Variants in PEX5L observed in about 807,000 individuals in gnomAD.
PEX5L encodes the protein PEX5-related protein.
A neutral mutation model predicts 84.0 loss-of-function variants in PEX5L; 30 were observed. That is an observed-to-expected ratio of 0.36 (90% CI 0.27 to 0.48). The LOEUF (loss-of-function observed/expected upper bound fraction) is 0.48. Ranked by LOEUF, PEX5L falls within the 20% of genes least tolerant of loss-of-function variation. The pLI, the probability that PEX5L is intolerant of heterozygous loss-of-function variation, is 0.99. For synonymous variants in PEX5L, 270 were observed against 283.1 expected, an observed-to-expected ratio of 0.95 and a Z score of 0.46; for missense variants, 533 against 754.6, an observed-to-expected ratio of 0.71 and a Z score of 3.44.
chr3:179,958,403 G>A (rs548443161), intron 2 of PEX5L, among the ~76,000 whole-genome samples: 2 of 152,308 alleles, frequency 1.3e-5, no homozygotes, highest in African/African-American at 4.8e-5. Context: ...GCCCCATTGT[G>A]TATTGTAAAA....
intron 2 of PEX5L, among the ~76,000 whole-genome samples, chr3:179,952,665 G>A (rs1002723833): frequency 6.6e-6 from 1 of 152,080 alleles, no homozygotes; most frequent in Non-Finnish European, 1.5e-5. Flanking sequence ...TTGTGAAAAT[G>A]GCCATACTGC....
intron 1 of PEX5L, among the ~76,000 whole-genome samples, chr3:180,017,627 T>C (rs907583835): frequency 9.9e-5 from 15 of 152,068 alleles, no homozygotes; most frequent in African/African-American, 3.6e-4. Context: ...ATACTTTATA[T>C]ATAATTATAT....
intron 8 of PEX5L, among the ~76,000 whole-genome samples, chr3:179,856,843 T>G (rs1380921712): frequency 2.0e-5 from 3 of 152,192 alleles, no homozygotes; most frequent in African/African-American, 7.2e-5. Flanking sequence ...TACCATTCTT[T>G]TTACTTGAAG....
intron 1 of PEX5L, among the ~76,000 whole-genome samples, chr3:179,989,930 C>T (rs1470469423): frequency 2.0e-5 from 3 of 152,124 alleles, no homozygotes; most frequent in Admixed American, 6.6e-5. Context: ...TGCCACTTTC[C>T]GATAAACTCC....
intron 1 of PEX5L, among the ~76,000 whole-genome samples, chr3:180,002,106 T>C (rs945396674): frequency 6.6e-6 from 1 of 152,284 alleles, no homozygotes; most frequent in Admixed American, 6.5e-5. Context: ...ATTCTAGGTA[T>C]GAATGTACCA....
intron 1 of PEX5L, among the ~76,000 whole-genome samples, chr3:180,016,532 G>C (rs965163450): frequency 7.2e-5 from 11 of 152,250 alleles, no homozygotes; most frequent in Non-Finnish European, 1.3e-4. Context: ...ACGCAGGAAT[G>C]AACAATACAG....
chr3:179,965,112 G>C (rs982879225), intron 2 of PEX5L, among the ~76,000 whole-genome samples: 1 of 152,240 alleles, frequency 6.6e-6, no homozygotes, highest in Non-Finnish European at 1.5e-5. Context: ...TGGCAGAAGA[G>C]CTGGCACCGC....
chr3:180,005,622 G>A (rs1301866891), intron 1 of PEX5L, among the ~76,000 whole-genome samples: 5 of 152,094 alleles, frequency 3.3e-5, no homozygotes, highest in African/African-American at 9.7e-5. Flanking sequence ...TGAGCTACTC[G>A]GGACGCTGAG....
chr3:179,968,989 ACATGGTGC>A (rs1356943610), intron 2 of PEX5L, among the ~76,000 whole-genome samples: 1 of 152,080 alleles, frequency 6.6e-6, no homozygotes, highest in Non-Finnish European at 1.5e-5. Context: ...AAATCCACAT[ACATGGTGC>A]TGCTTCTGTT....
intron 1 of PEX5L, among the ~76,000 whole-genome samples, chr3:179,981,910 A>C (rs1786368383): frequency 6.6e-6 from 1 of 152,226 alleles, no homozygotes; most frequent in Non-Finnish European, 1.5e-5. Context: ...CAGCAACAAC[A>C]GGAACTATTT....
intron 11 of PEX5L, among the ~76,000 whole-genome samples, chr3:179,811,133 T>TTACAAA (rs1723618173): frequency 6.6e-6 from 1 of 152,130 alleles, no homozygotes; most frequent in African/African-American, 2.4e-5. Flanking sequence ...TCTTACAATC[T>TTACAAA]GATATTCCAA....
At chr3:179,998,845 C>A (rs1205319750) in intron 1 of PEX5L, among the ~76,000 whole-genome samples, 1 of 152,214 alleles carries the variant, frequency 6.6e-6, no homozygotes, top group African/African-American at 2.4e-5. Flanking sequence ...TCTCTTCCAG[C>A]CTGCACCAAT....
At chr3:179,835,432 C>T (rs1331305192) in intron 8 of PEX5L, among the ~76,000 whole-genome samples, 3 of 152,034 alleles carry the variant, frequency 2.0e-5, no homozygotes, top group South Asian at 4.2e-4. Flanking sequence ...GACAATATAT[C>T]AGTCGGTAAT....
At chr3:179,914,776 C>G (rs916890896) in intron 2 of PEX5L, among the ~76,000 whole-genome samples, 3 of 152,198 alleles carry the variant, frequency 2.0e-5, no homozygotes, top group Non-Finnish European at 4.4e-5. Context: ...GTGATAATTT[C>G]AAAACTTTTG....
rs74621605 is a variant in PEX5L at position 179,891,511 on chromosome 3, G to A, written c.199-3727C>T. Among the ~76,000 whole-genome samples the A allele has an allele frequency of 2.0e-4, 30 of 152,142 alleles. 1 individual carries two copies. The East Asian group carries it at 5.0e-3, about 25-fold the overall frequency. ...GAAACAGGAGATATTATGAAGATAC[G>A]GAAATCTTTCCTTATAAGCTCTGAA... On this transcript the variant is annotated intron_variant, in intron 3 of 14. Transcript: ENST00000467460.
At chr3:179,868,883 G>C (rs1278917254) in intron 7 of PEX5L, among the ~76,000 whole-genome samples, 2 of 151,286 alleles carry the variant, frequency 1.3e-5, no homozygotes, top group Non-Finnish European at 3.0e-5. Context: ...TACCTCACTG[G>C]GGGGTTGGGT....
At chr3:179,946,462 G>A (rs1247319884) in intron 2 of PEX5L, among the ~76,000 whole-genome samples, 1 of 152,146 alleles carries the variant, frequency 6.6e-6, no homozygotes, top group Non-Finnish European at 1.5e-5. Flanking sequence ...CAAACACAGA[G>A]ACTGAAGAAA....
chr3:179,931,600 T>C (rs1314060534), intron 2 of PEX5L, among the ~76,000 whole-genome samples: 1 of 152,198 alleles, frequency 6.6e-6, no homozygotes, highest in Non-Finnish European at 1.5e-5. Flanking sequence ...TATGTTCTGA[T>C]GTATTTAAAT....
intron 1 of PEX5L, among the ~76,000 whole-genome samples, chr3:179,994,126 T>A (rs972762202): frequency 3.5e-4 from 53 of 152,324 alleles, no homozygotes; most frequent in African/African-American, 1.3e-3. Flanking sequence ...GACATTCAGG[T>A]TTTTAGATCA....
Sources: allele counts gnomAD v4.1 joint callset (sites outside exome capture counted in the v4.1 genomes callset), GRCh38; gene constraint gnomAD v4.1.1; transcripts MANE v1.5; gene names NCBI Gene and HGNC (gene_info 2026-07-23, HGNC 2026-07-21).